SLC4A10: variants seen among roughly 807,000 people sequenced by gnomAD.
SLC4A10 encodes the protein solute carrier family 4 member 10, also known as sodium-driven chloride bicarbonate exchanger.
SLC4A10 carries 42 observed loss-of-function variants against 137.7 expected under a neutral mutation model. The observed-to-expected ratio is 0.30, with a 90% confidence interval of 0.24 to 0.39. The LOEUF is 0.39. Ranked by LOEUF, SLC4A10 falls within the 10% of genes least tolerant of loss-of-function variation. SLC4A10 has a pLI of 1.00. For synonymous variants in SLC4A10, 474 were observed against 464.1 expected, an observed-to-expected ratio of 1.02 and a Z score of -0.27; for missense variants, 925 against 1,355.0, an observed-to-expected ratio of 0.68 and a Z score of 4.98.
chr2:161,854,782 A>C (rs1227409190), intron 4 of SLC4A10, among the ~76,000 whole-genome samples, 188 bp from the exon 5 acceptor site: 2 of 152,164 alleles, frequency 1.3e-5, no homozygotes, highest in African/African-American at 2.4e-5. Flanking sequence ...AATTGCAAAA[A>C]GAATATGAGT....
chr2:161,765,862 G>C (rs2050750596), intron 1 of SLC4A10, among the ~76,000 whole-genome samples: 1 of 152,080 alleles, frequency 6.6e-6, no homozygotes, highest in Non-Finnish European at 1.5e-5. Context: ...ACCTGGTGCT[G>C]TATGTCCCTC....
rs1023754265 is a variant in SLC4A10, at chr2:161,652,854, C to A, written c.48+28288C>A. Among the ~76,000 whole-genome samples, 3 of 33,392 alleles carry A rather than the reference C, an allele frequency of 9.0e-5. 1 individual carries two copies. The Admixed American group carries it at 1.3e-3, about 15-fold the overall frequency. The allele number at this position is 33,392 out of a possible 152,430, so 21.9% of individuals were successfully genotyped here. A position where few individuals can be genotyped will look rare whatever the true frequency, so the allele number is the denominator to read the frequency against. ...TTCATACAACTGCAGAATATACATT[C>A]TTTTCTTTTAAGTATATTTTAAGTT... On this transcript the variant is annotated intron_variant, in intron 1 of 26. Transcript: ENST00000446997.
intron 3 of SLC4A10, among the ~76,000 whole-genome samples, chr2:161,810,460 A>G (rs903388030): frequency 1.3e-5 from 2 of 151,822 alleles, no homozygotes; most frequent in African/African-American, 4.8e-5. Context: ...CCAGGGGAAT[A>G]GTTATAGCTT....
intron 21 of SLC4A10, among the ~76,000 whole-genome samples, chr2:161,960,634 T>G (rs1011961682): frequency 6.7e-6 from 1 of 150,288 alleles, no homozygotes; most frequent in African/African-American, 2.5e-5. Flanking sequence ...ATAGAAGAAT[T>G]ACTTGAACCC....
intron 7 of SLC4A10, 76 bp downstream of exon 7, chr2:161,872,460 G>A: frequency 8.9e-7 from 1 of 1,119,662 alleles, no homozygotes; most frequent in Non-Finnish European, 1.3e-6. Flanking sequence ...AAGAGGTGTT[G>A]ACACAATATT....
intron 1 of SLC4A10, among the ~76,000 whole-genome samples, chr2:161,624,887 T>C (rs2031971521): frequency 6.6e-6 from 1 of 152,120 alleles, no homozygotes; most frequent in African/African-American, 2.4e-5. Context: ...CTTATCTCTC[T>C]GATTCTCAGG....
At chr2:161,942,451 C>A (rs189917188) in intron 15 of SLC4A10, among the ~76,000 whole-genome samples, 103 of 151,878 alleles carry the variant, frequency 6.8e-4, no homozygotes, top group African/African-American at 2.3e-3. Flanking sequence ...AATTAAATAC[C>A]CCTTTAATTT....
intron 1 of SLC4A10, among the ~76,000 whole-genome samples, chr2:161,663,500 C>T (rs1013496422): frequency 6.6e-6 from 1 of 152,046 alleles, no homozygotes; most frequent in Non-Finnish European, 1.5e-5. Flanking sequence ...GTGAATATTG[C>T]ACCACATTGG....
Position 161,862,887 on chromosome 2 carries a change from CCAA to C in SLC4A10, c.595_597del (p.Gln199del). 1 of 1,601,502 alleles carries C rather than the reference CCAA, an allele frequency of 6.2e-7. No homozygotes were observed. Among genetic ancestry groups the C allele is most frequent in the Non-Finnish European group, 8.5e-7 (1 of 1,173,124 alleles). ...TTTTCTCTTCAGATATGGTTCTTGACCAACAAGTGAGCTCAGGTCAGCTGAATG... is the reference window on the plus strand; with the variant it reads ...TTTTCTCTTCAGATATGGTTCTTGACCAAGTGAGCTCAGGTCAGCTGAATG... On this transcript the variant is annotated inframe_deletion, in exon 6 of 27. Transcript: ENST00000446997.
chr2:161,820,981 C>T (rs1559326945), intron 3 of SLC4A10, among the ~76,000 whole-genome samples: 2 of 152,142 alleles, frequency 1.3e-5, no homozygotes, highest in South Asian at 2.1e-4. Flanking sequence ...TAGCCATTCT[C>T]TTAAGGTATG....
intron 2 of SLC4A10, among the ~76,000 whole-genome samples, chr2:161,784,215 A>G (rs2892792): frequency 0.79 from 120,316 of 151,710 alleles, 48,553 homozygotes; most frequent in East Asian, 0.99. Context: ...TGCACCCAAC[A>G]ATTAAGCACC....
At chr2:161,883,553 A>G (rs1237285652) in intron 10 of SLC4A10, among the ~76,000 whole-genome samples, 4 of 152,212 alleles carry the variant, frequency 2.6e-5, no homozygotes, top group African/African-American at 9.6e-5. Flanking sequence ...CGACTGCCAT[A>G]AGAAACTACT....
intron 2 of SLC4A10, among the ~76,000 whole-genome samples, chr2:161,774,942 G>A (rs2052131671): frequency 6.6e-6 from 1 of 151,864 alleles, no homozygotes; most frequent in Non-Finnish European, 1.5e-5. Context: ...GACGTACTTG[G>A]TAGTTGGCAG....
chr2:161,884,308 G>A (rs2062048525), intron 10 of SLC4A10, among the ~76,000 whole-genome samples: 1 of 152,166 alleles, frequency 6.6e-6, no homozygotes, highest in Non-Finnish European at 1.5e-5. Context: ...ACGTGATAAT[G>A]TGAGAGGATC....
intron 1 of SLC4A10, among the ~76,000 whole-genome samples, chr2:161,766,138 T>C (rs1450647937): frequency 6.6e-6 from 1 of 152,126 alleles, no homozygotes; most frequent in Admixed American, 6.6e-5. Context: ...GACACTTACA[T>C]TGAATTACTT....
intron 6 of SLC4A10, among the ~76,000 whole-genome samples, chr2:161,863,503 T>C (rs2060551676): frequency 6.6e-6 from 1 of 152,218 alleles, no homozygotes; most frequent in African/African-American, 2.4e-5. Context: ...ATGTTGCTCA[T>C]AGTCAACAAA....
chr2:161,693,054 A>T (rs2042157114), intron 1 of SLC4A10, among the ~76,000 whole-genome samples: 1 of 152,138 alleles, frequency 6.6e-6, no homozygotes, highest in Admixed American at 6.6e-5. Context: ...TTCTAAAGGC[A>T]GATGAAAGAG....
intron 3 of SLC4A10, among the ~76,000 whole-genome samples, chr2:161,810,349 C>T (rs1486464149): frequency 6.6e-6 from 1 of 151,924 alleles, no homozygotes; most frequent in Non-Finnish European, 1.5e-5. Flanking sequence ...TATTTGAATG[C>T]CTTTTATTTC....
intron 3 of SLC4A10, among the ~76,000 whole-genome samples, chr2:161,810,658 T>C (rs1439670389): frequency 6.6e-6 from 1 of 152,088 alleles, no homozygotes; most frequent in Non-Finnish European, 1.5e-5. Context: ...GTTTATGCGA[T>C]GAATCATATC....
Sources: allele counts gnomAD v4.1 joint callset (sites outside exome capture counted in the v4.1 genomes callset), GRCh38; gene constraint gnomAD v4.1.1; transcripts MANE v1.5; gene names NCBI Gene and HGNC (gene_info 2026-07-23, HGNC 2026-07-21).